The following CDH13 variants were observed in gnomAD, a reference collection of about 807,000 sequenced individuals.
The protein encoded by CDH13 is cadherin-13.
A neutral mutation model predicts 63.8 loss-of-function variants in CDH13; 24 were observed. The ratio of observed to expected loss-of-function variants is 0.38; its 90% confidence interval spans 0.27 to 0.53. The LOEUF (loss-of-function observed/expected upper bound fraction) is 0.53. Among genes scored for constraint, CDH13 ranks in the 20% least tolerant of loss-of-function variants. CDH13 has a pLI of 0.85. For missense variants in CDH13, 1,049 were observed against 903.1 expected (o/e 1.16, Z -2.07); for synonymous variants, 503 against 355.3 (o/e 1.42, Z -4.67).
chr16:83,790,636 C>G (rs1047889396), intron 13 of CDH13, among the ~76,000 whole-genome samples: 2 of 152,164 alleles, frequency 1.3e-5, no homozygotes, highest in Non-Finnish European at 2.9e-5. Context: ...ATCTCCCGAC[C>G]TCGTGATCCG....
At chr16:83,653,225 G>C (rs1033920252) in intron 8 of CDH13, among the ~76,000 whole-genome samples, 1 of 152,168 alleles carries the variant, frequency 6.6e-6, no homozygotes, top group African/African-American at 2.4e-5. Context: ...AAAATTGATT[G>C]TGGTGGTGGT....
intron 6 of CDH13, among the ~76,000 whole-genome samples, chr16:83,445,269 G>C (rs560207660): frequency 2.9e-5 from 4 of 138,964 alleles, no homozygotes; most frequent in African/African-American, 1.0e-4. Flanking sequence ...ATTTATAAAA[G>C]CTTTTATAAT....
intron 7 of CDH13, among the ~76,000 whole-genome samples, chr16:83,534,187 C>A (rs184411635): frequency 5.9e-5 from 9 of 152,152 alleles, no homozygotes; most frequent in African/African-American, 1.7e-4. Context: ...TTTACCTATT[C>A]TGGATGCTCC....
intron 11 of CDH13, among the ~76,000 whole-genome samples, chr16:83,776,510 G>C (rs1915122973): frequency 6.6e-6 from 1 of 152,166 alleles, no homozygotes; most frequent in Non-Finnish European, 1.5e-5. Context: ...TATTTTAGCA[G>C]ACATTTATTT....
At chr16:82,941,678 TGCTTGTACCGA>T (rs1441174477) in intron 2 of CDH13, among the ~76,000 whole-genome samples, 1 of 152,200 alleles carries the variant, frequency 6.6e-6, no homozygotes, top group Non-Finnish European at 1.5e-5. Context: ...TTTCTTTTGT[TGCTTGTACCGA>T]GCTCTCTATC....
intron 6 of CDH13, among the ~76,000 whole-genome samples, chr16:83,405,523 A>G (rs1309947016): frequency 6.6e-6 from 1 of 152,226 alleles, no homozygotes; most frequent in Non-Finnish European, 1.5e-5. Flanking sequence ...AAGCAGGAAA[A>G]GGTAAGGGAA....
At chr16:83,054,111 T>C (rs1412032657) in intron 3 of CDH13, among the ~76,000 whole-genome samples, 1 of 152,224 alleles carries the variant, frequency 6.6e-6, no homozygotes, top group Non-Finnish European at 1.5e-5. Flanking sequence ...CTATACCGTA[T>C]TTCCTAGGTG....
intron 5 of CDH13, among the ~76,000 whole-genome samples, chr16:83,225,143 G>A (rs544588780): frequency 9.9e-5 from 15 of 152,270 alleles, no homozygotes; most frequent in Admixed American, 2.0e-4. Context: ...CAGCCCACCA[G>A]GTCATCCTGA....
intron 10 of CDH13, among the ~76,000 whole-genome samples, chr16:83,681,367 C>T (rs1339072829): frequency 6.6e-6 from 1 of 152,174 alleles, no homozygotes. Flanking sequence ...TGAGTGATGG[C>T]AGGACCAATC....
intron 2 of CDH13, among the ~76,000 whole-genome samples, chr16:82,917,043 A>G (rs2042011040): frequency 6.6e-6 from 1 of 152,236 alleles, no homozygotes; most frequent in Non-Finnish European, 1.5e-5. Context: ...GAGGCAAATA[A>G]AAGGGCATAG....
chr16:82,751,003 G>T (rs2034391032), intron 1 of CDH13, among the ~76,000 whole-genome samples: 1 of 152,182 alleles, frequency 6.6e-6, no homozygotes, highest in African/African-American at 2.4e-5. Context: ...TTATGGCGCT[G>T]GTCCTCTCCC....
chr16:83,471,077 C>A (rs929723484), intron 6 of CDH13, among the ~76,000 whole-genome samples: 1 of 152,108 alleles, frequency 6.6e-6, no homozygotes, highest in African/African-American at 2.4e-5. Context: ...TTCACATCTC[C>A]TTCTCTGACT....
At chr16:82,849,858 C>A (rs2039410419) in intron 1 of CDH13, among the ~76,000 whole-genome samples, 1 of 152,216 alleles carries the variant, frequency 6.6e-6, no homozygotes, top group Non-Finnish European at 1.5e-5. Context: ...GCCTGGATGA[C>A]AGTACATCTG....
chr16:82,970,759 G>C (rs563757946), intron 2 of CDH13, among the ~76,000 whole-genome samples: 1 of 152,040 alleles, frequency 6.6e-6, no homozygotes, highest in African/African-American at 2.4e-5. Context: ...TTCCAGTGCT[G>C]TATTTACCAA....
At chr16:83,211,112 C>T (rs1378828819) in intron 4 of CDH13, among the ~76,000 whole-genome samples, 2 of 149,670 alleles carry the variant, frequency 1.3e-5, no homozygotes, top group African/African-American at 4.9e-5. Context: ...CACACCAGTG[C>T]ACTCCAGCCT....
At chr16:82,758,943 T>G (rs1020078562) in intron 1 of CDH13, among the ~76,000 whole-genome samples, 1 of 152,222 alleles carries the variant, frequency 6.6e-6, no homozygotes, top group Non-Finnish European at 1.5e-5. Flanking sequence ...CATAATTCTC[T>G]TTCTGCTAGT....
intron 6 of CDH13, among the ~76,000 whole-genome samples, chr16:83,425,516 T>C (rs2071866514): frequency 6.6e-6 from 1 of 152,208 alleles, no homozygotes; most frequent in South Asian, 2.1e-4. Flanking sequence ...TGCTACCGCA[T>C]CTCCACCATA....
At chr16:83,418,131 C>T (rs1160857223) in intron 6 of CDH13, among the ~76,000 whole-genome samples, 1 of 152,156 alleles carries the variant, frequency 6.6e-6, no homozygotes, top group African/African-American at 2.4e-5. Flanking sequence ...TTTTGCTATT[C>T]ATTAGCTACA....
intron 2 of CDH13, among the ~76,000 whole-genome samples, chr16:82,926,872 G>T (rs1218802425): frequency 6.6e-6 from 1 of 152,128 alleles, no homozygotes; most frequent in Non-Finnish European, 1.5e-5. Flanking sequence ...CCAGTGTCCG[G>T]TTATAATTGT....
Sources: allele counts gnomAD v4.1 joint callset (sites outside exome capture counted in the v4.1 genomes callset), GRCh38; gene constraint gnomAD v4.1.1; transcripts MANE v1.5; gene names NCBI Gene and HGNC (gene_info 2026-07-23, HGNC 2026-07-21).